Variants in LRRC8B observed in about 807,000 individuals in gnomAD.
LRRC8B encodes leucine rich repeat containing 8 VRAC subunit B, also known as volume-regulated anion channel subunit LRRC8B.
Under a neutral mutation model 58.8 loss-of-function variants are expected in LRRC8B, and 23 were observed. That is an observed-to-expected ratio of 0.39 (90% confidence interval 0.28 to 0.55). The LOEUF is 0.55. LRRC8B is among the 20% of genes least tolerant of loss of function. The pLI is 0.62. For missense variants in LRRC8B, 694 were observed against 936.0 expected (o/e 0.74, Z 3.37); for synonymous variants, 359 against 374.1 (o/e 0.96, Z 0.47).
chr1:89,569,696 T>C (rs891208233), intron 3 of LRRC8B, among the ~76,000 whole-genome samples: 1 of 152,196 alleles, frequency 6.6e-6, no homozygotes, highest in African/African-American at 2.4e-5. Context: ...TCATATTTTC[T>C]ATGTTTTTCT....
chr1:89,529,958 C>T (rs543428604), intron 1 of LRRC8B, among the ~76,000 whole-genome samples: 1 of 152,002 alleles, frequency 6.6e-6, no homozygotes, highest in East Asian at 1.9e-4. Context: ...TGCACATGTT[C>T]CCCACCCTCG....
At chr1:89,531,240 A>C (rs1201248360) in intron 1 of LRRC8B, among the ~76,000 whole-genome samples, 1 of 152,226 alleles carries the variant, frequency 6.6e-6, no homozygotes, top group Admixed American at 6.5e-5. Flanking sequence ...GGGAAGTTTA[A>C]ATTTTTCCCT....
At chr1:89,527,002 AGGGGC>A (rs1649751297) in intron 1 of LRRC8B, 1 of 152,230 alleles carries the variant, frequency 6.6e-6, no homozygotes, top group East Asian at 1.9e-4. Context: ...TAAAATGAAA[AGGGGC>A]TTAATAAAAC....
At position 89,583,886 on chromosome 1, in the gene LRRC8B, T is replaced by C. The variant is rs760185373; in HGVS notation, c.1236T>C (p.Ser412=). 60 of 1,614,040 alleles carry C rather than the reference T, an allele frequency of 3.7e-5. No homozygotes were observed. In the Admixed American group the frequency reaches 5.8e-4, roughly 16 times the overall value. The change falls in exon 5 of 6, where the codon AGT becomes AGC. Residue 412 remains serine (S), a synonymous_variant. Transcript: ENST00000330947. This position sits in a 1 kb window ranked among gnomAD's most constrained non-coding sequence, Gnocchi z 5.2. ...NNEWTVEKLK[S]KLVKNAQDKI... is the part of the protein sequence containing the mutation. ...AATGGACAGTTGAGAAACTGAAAAG[T>C]AAGCTTGTGAAAAATGCCCAGGACA... is the stretch of plus-strand genomic sequence containing the variant.
Position 89,583,680 on chromosome 1 carries a change from C to G in LRRC8B, c.1030C>G (p.Gln344Glu). The change falls in exon 5 of 6, where the codon CAA becomes GAA. Residue 344 changes from glutamine (Q) to glutamate (E), a missense_variant. This residue lies in a region of LRRC8B where 24 missense variants were observed against 63.2 expected (regional missense o/e 0.38). Transcript: ENST00000330947. The surrounding 1 kb of genome is among the most constrained non-coding windows in gnomAD (Gnocchi z 5.2). Reference protein sequence around the residue: ...LWWMLRSSLKQYSFEALREKS... With the variant: ...LWWMLRSSLKEYSFEALREKS... ...GTGGATGCTGAGGAGTTCCCTGAAG[C>G]AATATTCCTTTGAGGCGTTAAGAGA... The G allele has an allele frequency of 6.2e-7, 1 of 1,613,940 alleles. No homozygotes were observed. Among genetic ancestry groups the G allele is most frequent in the Non-Finnish European group, 8.5e-7 (1 of 1,180,010 alleles).
chr1:89,554,779 T>C (rs1468638443), intron 1 of LRRC8B, among the ~76,000 whole-genome samples: 2 of 147,284 alleles, frequency 1.4e-5, no homozygotes, highest in Non-Finnish European at 3.1e-5. Context: ...GTAAATATTA[T>C]TTTTTGTGCA....
intron 1 of LRRC8B, among the ~76,000 whole-genome samples, chr1:89,543,557 A>T (rs1214176624): frequency 1.3e-5 from 2 of 151,852 alleles, no homozygotes; most frequent in Non-Finnish European, 2.9e-5. Flanking sequence ...GTGCAGTGGC[A>T]CAATCTCAGC....
chr1:89,562,904 A>G (rs1652789015), intron 1 of LRRC8B, among the ~76,000 whole-genome samples: 1 of 152,166 alleles, frequency 6.6e-6, no homozygotes, highest in Non-Finnish European at 1.5e-5. Context: ...CTAGCATGTC[A>G]ACCTTAAGTA....
At chr1:89,536,437 A>G (rs1441967325) in intron 1 of LRRC8B, among the ~76,000 whole-genome samples, 1 of 152,224 alleles carries the variant, frequency 6.6e-6, no homozygotes, top group Non-Finnish European at 1.5e-5. Context: ...TGAGATAGAT[A>G]ATTTCATAAA....
intron 5 of LRRC8B, among the ~76,000 whole-genome samples, chr1:89,590,158 T>G (rs1305701024): frequency 2.0e-5 from 3 of 152,198 alleles, no homozygotes; most frequent in Non-Finnish European, 4.4e-5. Context: ...AATTTTTGGC[T>G]CTCTGGCTCA....
chr1:89,545,571 G>A (rs2100864814), intron 1 of LRRC8B, among the ~76,000 whole-genome samples: 1 of 152,278 alleles, frequency 6.6e-6, no homozygotes, highest in Non-Finnish European at 1.5e-5. Context: ...TTAATATGCT[G>A]AATAAAATTG....
intron 4 of LRRC8B, among the ~76,000 whole-genome samples, chr1:89,579,966 GTCATTTTATTTA>G (rs1391087076): frequency 8.5e-5 from 13 of 152,238 alleles, no homozygotes; most frequent in African/African-American, 3.1e-4. Flanking sequence ...CTGATGGATG[GTCATTTTATTTA>G]TCAAGATTCT....
At chr1:89,537,539 C>T (rs934982028) in intron 1 of LRRC8B, among the ~76,000 whole-genome samples, 1 of 152,144 alleles carries the variant, frequency 6.6e-6, no homozygotes, top group Non-Finnish European at 1.5e-5. Context: ...GTGGCATGAT[C>T]TCGGCTCACT....
chr1:89,588,365 GA>G (rs1200433241), intron 5 of LRRC8B, among the ~76,000 whole-genome samples: 1 of 152,226 alleles, frequency 6.6e-6, no homozygotes, highest in Non-Finnish European at 1.5e-5. Context: ...TCCAAGGAGA[GA>G]TGGTATGCAA....
intron 3 of LRRC8B, among the ~76,000 whole-genome samples, chr1:89,578,346 A>G (rs977707544): frequency 6.6e-6 from 1 of 152,180 alleles, no homozygotes; most frequent in East Asian, 1.9e-4. Context: ...CACACATCAG[A>G]TGTCTTTATC....
intron 1 of LRRC8B, among the ~76,000 whole-genome samples, chr1:89,532,795 C>G (rs1299807759): frequency 6.6e-6 from 1 of 152,178 alleles, no homozygotes; most frequent in African/African-American, 2.4e-5. Flanking sequence ...TGCCACCTAC[C>G]TCACAGAACA....
intron 1 of LRRC8B, among the ~76,000 whole-genome samples, chr1:89,556,983 GT>G (rs1318712203): frequency 6.6e-6 from 1 of 152,216 alleles, no homozygotes; most frequent in Non-Finnish European, 1.5e-5. Context: ...GCAGTTAGGC[GT>G]GTGCACTCCA....
At chr1:89,525,818 A>G (rs1166526608) in intron 1 of LRRC8B, among the ~76,000 whole-genome samples, 2 of 152,178 alleles carry the variant, frequency 1.3e-5, no homozygotes, top group Admixed American at 6.5e-5. Context: ...CAAAACCGAC[A>G]TGTGAACTTC....
chr1:89,557,335 G>T (rs1286365415), intron 1 of LRRC8B, among the ~76,000 whole-genome samples: 3 of 151,978 alleles, frequency 2.0e-5, no homozygotes, highest in African/African-American at 7.3e-5. Context: ...TCACTTCCTG[G>T]GTTGTTTTTT....
Sources: allele counts gnomAD v4.1 joint callset (sites outside exome capture counted in the v4.1 genomes callset), GRCh38; gene constraint gnomAD v4.1.1; regional missense constraint gnomAD v4.1.1; non-coding constraint Gnocchi (gnomAD v3.1); transcripts MANE v1.5; gene names NCBI Gene and HGNC (gene_info 2026-07-23, HGNC 2026-07-21).